ATP6V1H: variants seen among roughly 807,000 people sequenced by gnomAD.
ATP6V1H encodes V-type proton ATPase subunit H.
ATP6V1H carries 39 observed loss-of-function variants against 71.7 expected under a neutral mutation model. That is an observed-to-expected ratio of 0.54 (90% CI 0.42 to 0.71). The LOEUF (loss-of-function observed/expected upper bound fraction) is 0.71, where lower values mean the gene tolerates loss of function less well. Ranked by LOEUF, ATP6V1H falls within the 30% of genes least tolerant of loss-of-function variation. ATP6V1H has a pLI of 0.00. For synonymous variants in ATP6V1H, 192 were observed against 199.3 expected (o/e 0.96, Z 0.31); for missense variants, 509 against 594.9 (o/e 0.86, Z 1.50).
chr8:53,793,100 T>C (rs1234962411), intron 9 of ATP6V1H, among the ~76,000 whole-genome samples: 1 of 152,076 alleles, frequency 6.6e-6, no homozygotes, highest in Non-Finnish European at 1.5e-5. Flanking sequence ...ATTTGGAAGG[T>C]GACAACTGCT....
intron 2 of ATP6V1H, among the ~76,000 whole-genome samples, chr8:53,839,107 C>A (rs1466726692): frequency 6.6e-6 from 1 of 152,138 alleles, no homozygotes; most frequent in Non-Finnish European, 1.5e-5. Context: ...CGGGAAAACA[C>A]AACATGTCAT....
rs1806416090 is a variant in ATP6V1H, at chr8:53,716,129, C to T, written c.1392-105G>A. 1.2e-5 allele frequency: 10 copies of T among 818,404 alleles called. No homozygotes were observed. The South Asian group carries it at 1.8e-4, about 15-fold the overall frequency. 50.7% of individuals were successfully genotyped at this position (818,404 alleles called of 1,614,324 possible). On this transcript the variant is annotated intron_variant, in intron 13 of 13. Coordinates refer to ENST00000359530, the MANE Select transcript of ATP6V1H (RefSeq NM_015941.4). ...CTGTCATATATACTTACTTTAACAT[C>T]CAAAAATAACTAAAAAGTCCTAGAA...
chr8:53,723,105 A>C (rs879268955), intron 13 of ATP6V1H, among the ~76,000 whole-genome samples: 1 of 152,214 alleles, frequency 6.6e-6, no homozygotes, highest in Non-Finnish European at 1.5e-5. Context: ...TAATCACCTG[A>C]AATGAGTCTC....
At chr8:53,775,361 G>A (rs943229944) in intron 9 of ATP6V1H, among the ~76,000 whole-genome samples, 7 of 152,196 alleles carry the variant, frequency 4.6e-5, no homozygotes, top group Non-Finnish European at 7.3e-5. Context: ...GAAGGGGACC[G>A]GAGCGGGTTG....
At chr8:53,789,472 G>A (rs1435077545) in intron 9 of ATP6V1H, among the ~76,000 whole-genome samples, 1 of 152,086 alleles carries the variant, frequency 6.6e-6, no homozygotes, top group Admixed American at 6.5e-5. Flanking sequence ...AATAGAGCAA[G>A]ACTCTGTCTC....
intron 2 of ATP6V1H, 21 bp from the exon 3 acceptor site, chr8:53,833,107 G>GTT: frequency 6.3e-7 from 1 of 1,580,346 alleles, no homozygotes; most frequent in South Asian, 1.1e-5. Flanking sequence ...AGAATAAGAT[G>GTT]TTTTGTTCAG....
At chr8:53,759,527 A>G (rs1282240985) in intron 11 of ATP6V1H, among the ~76,000 whole-genome samples, 3 of 152,244 alleles carry the variant, frequency 2.0e-5, no homozygotes, top group Non-Finnish European at 4.4e-5. Context: ...CCAGGCAGCA[A>G]CACACCACAG....
intron 9 of ATP6V1H, among the ~76,000 whole-genome samples, chr8:53,773,159 T>C (rs1352701217): frequency 6.6e-6 from 1 of 152,110 alleles, no homozygotes; most frequent in Non-Finnish European, 1.5e-5. Context: ...TGGCTCAGAG[T>C]TGATATTCAA....
At chr8:53,730,239 G>A (rs185191736) in intron 13 of ATP6V1H, among the ~76,000 whole-genome samples, 122 of 152,288 alleles carry the variant, frequency 8.0e-4, no homozygotes, top group Non-Finnish European at 1.4e-3. Flanking sequence ...TGATATCCTT[G>A]TCACATGTCT....
chr8:53,752,606 A>G (rs993539399), intron 12 of ATP6V1H, among the ~76,000 whole-genome samples: 7 of 152,092 alleles, frequency 4.6e-5, no homozygotes, highest in African/African-American at 1.7e-4. Context: ...GCTGGAGTGC[A>G]GTGGCACAAT....
chr8:53,716,279 G>A (rs1585709604), intron 13 of ATP6V1H, among the ~76,000 whole-genome samples: 1 of 152,148 alleles, frequency 6.6e-6, no homozygotes, highest in East Asian at 1.9e-4. Flanking sequence ...AACTTGTAAA[G>A]TTATTACGAT....
chr8:53,737,605 T>C lies in ATP6V1H; in HGVS notation c.1391+5972A>G, dbSNP rs143864099. 3.4e-3 allele frequency among the ~76,000 whole-genome samples: 521 copies of C among 152,330 alleles called. 34 individuals carry two copies. The South Asian group carries it at 0.1, about 30-fold the overall frequency. On this transcript the variant is annotated intron_variant, in intron 13 of 13. Transcript: ENST00000359530. ...CTAGGAGAATGCAGTACAGATCTGATACCGTGTGGTGGGAGAAATCTGGTC... is the reference window on the plus strand; with the variant it reads ...CTAGGAGAATGCAGTACAGATCTGACACCGTGTGGTGGGAGAAATCTGGTC...
At chr8:53,795,546 C>T (rs1809698564) in intron 9 of ATP6V1H, 101 bp downstream of exon 9, 6 of 1,049,204 alleles carry the variant, frequency 5.7e-6, no homozygotes, top group Non-Finnish European at 8.6e-6. Flanking sequence ...GTTTCATAAC[C>T]ACAAGAAGAA....
intron 9 of ATP6V1H, among the ~76,000 whole-genome samples, chr8:53,783,859 A>G (rs1809262205): frequency 6.6e-6 from 1 of 152,166 alleles, no homozygotes; most frequent in African/African-American, 2.4e-5. Flanking sequence ...GTTCTGAGTG[A>G]GTTTCTTAAT....
chr8:53,805,301 C>G (rs1303043242), intron 7 of ATP6V1H, among the ~76,000 whole-genome samples: 1 of 152,094 alleles, frequency 6.6e-6, no homozygotes, highest in African/African-American at 2.4e-5. Flanking sequence ...ATCAGTGAAC[C>G]ACAAAGATGA....
intron 7 of ATP6V1H, among the ~76,000 whole-genome samples, chr8:53,809,510 T>C (rs1441766768): frequency 4.6e-5 from 7 of 152,160 alleles, no homozygotes; most frequent in Non-Finnish European, 8.8e-5. Flanking sequence ...TAACTCACAA[T>C]CACTCCTGAT....
intron 13 of ATP6V1H, among the ~76,000 whole-genome samples, chr8:53,736,109 T>C (rs1807193512): frequency 2.0e-5 from 3 of 152,212 alleles, no homozygotes; most frequent in Admixed American, 1.3e-4. Flanking sequence ...GTATACTGTT[T>C]TACTATTGTT....
intron 2 of ATP6V1H, among the ~76,000 whole-genome samples, chr8:53,837,495 A>G (rs773535226): frequency 7.4e-5 from 7 of 94,310 alleles, no homozygotes; most frequent in Non-Finnish European, 1.1e-4. Context: ...AATGCTATGG[A>G]AAAAAAAAAA....
At chr8:53,814,808 T>C (rs759073085) in intron 5 of ATP6V1H, 42 bp from the exon 6 acceptor site, 7 of 1,381,106 alleles carry the variant, frequency 5.1e-6, no homozygotes, top group African/African-American at 1.4e-5. Context: ...ACATTAATTC[T>C]AAAAATCACA....
Sources: gnomAD v4.1 joint callset for allele counts (sites outside exome capture counted in the v4.1 genomes callset) on GRCh38, gnomAD v4.1.1 for gene constraint, MANE v1.5 for transcripts, NCBI Gene and HGNC (gene_info 2026-07-23, HGNC 2026-07-21) for gene names.